Variants in TCTN3 observed in about 807,000 individuals in gnomAD.
TCTN3 encodes the protein tectonic-3.
In TCTN3, 57 loss-of-function variants were observed where a neutral mutation model predicts 71.3. That is an observed-to-expected ratio of 0.80 (90% CI 0.65 to 1.00). The LOEUF is 1.00. Ranked by LOEUF, TCTN3 falls within the 50% of genes least tolerant of loss-of-function variation. The probability of loss-of-function intolerance (pLI) is 0.00; values close to 1 mark genes in which losing one functional copy is unlikely to be tolerated. For missense variants in TCTN3, 696 were observed against 719.9 expected (o/e 0.97, Z 0.38); for synonymous variants, 258 against 267.8 (o/e 0.96, Z 0.36).
At chr10:95,676,969 G>C (rs1401644247) in intron 13 of TCTN3, among the ~76,000 whole-genome samples, 1 of 152,138 alleles carries the variant, frequency 6.6e-6, no homozygotes, top group African/African-American at 2.4e-5. Flanking sequence ...ACCTAGGTCT[G>C]TCTGACTCAA....
At position 95,693,717 on chromosome 10, in the gene TCTN3, A is replaced by AG. The variant is rs763132585; in HGVS notation, c.182dup (p.Gly62TrpfsTer18). The AG allele has an allele frequency of 8.3e-5, 129 of 1,551,584 alleles. No homozygotes were observed. The highest frequency in any genetic ancestry group is 1.1e-4 in the Non-Finnish European group (124 of 1,146,994). ...GAGTAGGGACCACTGTAGGGAGTCC[A>AG]GGCACGGCCGGGCGAGTTGCAGTCG... On this transcript the variant is annotated frameshift_variant, in exon 1 of 14. Transcript: ENST00000371217. LOFTEE classifies it high-confidence loss of function.
At position 95,682,763 on chromosome 10, in the gene TCTN3, TA is replaced by T. The variant is rs2097944336; in HGVS notation, c.1339del (p.Tyr447IlefsTer40). On this transcript the variant is annotated frameshift_variant, in exon 12 of 14. Coordinates refer to ENST00000371217, the MANE Select transcript of TCTN3 (RefSeq NM_015631.6). LOFTEE classifies it high-confidence loss of function. ...ADCSHLQQEI[Y>X]QTLHGRPRPE... ...TCTGGGCCTTCCATGAAGAGTCTGA[TA>T]AATCTCCTGCTGCAAGTGGCTGCAG... 6.2e-7 allele frequency: 1 copy of T among 1,614,160 alleles called. No individual in the cohort carries two copies. Among genetic ancestry groups the T allele is most frequent in the Non-Finnish European group, 8.5e-7 (1 of 1,180,018 alleles).
chr10:95,687,747 T>C (rs768181379), intron 3 of TCTN3, 28 bp from the exon 4 acceptor site: 1 of 1,593,280 alleles, frequency 6.3e-7, no homozygotes, highest in South Asian at 1.2e-5. Context: ...AGAAAAAGCG[T>C]TTAGATAAAA....
At position 95,683,193 on chromosome 10, in the gene TCTN3, C is replaced by A; in HGVS notation, c.1206G>T (p.Met402Ile). The A allele has an allele frequency of 1.2e-6, 2 of 1,613,100 alleles. No homozygotes were observed. Among genetic ancestry groups the A allele is most frequent in the South Asian group, 2.2e-5 (2 of 90,828 alleles). The change falls in exon 11 of 14, where the codon ATG (methionine) becomes ATT (isoleucine). Residue 402 changes from methionine to isoleucine, a missense_variant and splice_region_variant. By Grantham distance (10) the Met-to-Ile change is conservative (BLOSUM62 1). Transcript: ENST00000371217. ...CATTACCCTGGCTCTGTAAGAGGGTCATCCAAGGTGGAAAAGTGATGATCA... is the reference window on the plus strand; with the variant it reads ...CATTACCCTGGCTCTGTAAGAGGGTAATCCAAGGTGGAAAAGTGATGATCA... ...LALTDDISYSMTLLQSQGNGS... is the reference protein window; with the variant it reads ...LALTDDISYSITLLQSQGNGS...
chr10:95,685,456 A>G (rs2097947339), intron 8 of TCTN3, 100 bp downstream of exon 8: 5 of 905,156 alleles, frequency 5.5e-6, no homozygotes, highest in Non-Finnish European at 8.2e-6. Context: ...AATGCAAACA[A>G]AATTCAGTTG....
intron 13 of TCTN3, among the ~76,000 whole-genome samples, chr10:95,669,657 C>A (rs1266716390): frequency 1.3e-5 from 2 of 152,102 alleles, no homozygotes; most frequent in African/African-American, 4.8e-5. Flanking sequence ...AGAGTAAGCA[C>A]TCAATAAAGA....
intron 13 of TCTN3, 116 bp downstream of exon 13, chr10:95,680,356 T>G: frequency 9.1e-7 from 1 of 1,103,890 alleles, no homozygotes; most frequent in Non-Finnish European, 1.3e-6. Context: ...TAAACAAACA[T>G]TGGTTGCTAA....
chr10:95,672,914 A>C (rs1481511402), intron 13 of TCTN3, among the ~76,000 whole-genome samples: 1 of 151,934 alleles, frequency 6.6e-6, no homozygotes, highest in African/African-American at 2.4e-5. Context: ...GCTGGTGTCA[A>C]ACTCTTGACC....
At position 95,682,821 on chromosome 10, in the gene TCTN3, T is replaced by C; in HGVS notation, c.1299-17A>G. ...TTCTTCAACCTATAATTAAACACCA[T>C]GGAGGCTGCAGTCCAATGCTAACAT... On this transcript the variant is annotated splice_polypyrimidine_tract_variant and intron_variant, in intron 11 of 13. Coordinates refer to ENST00000371217, the MANE Select transcript of TCTN3 (RefSeq NM_015631.6). 2 of 1,611,650 alleles carry C rather than the reference T, an allele frequency of 1.2e-6. No individual in the cohort carries two copies. The highest frequency in any genetic ancestry group is 1.7e-6 in the Non-Finnish European group (2 of 1,179,046).
chr10:95,692,620 G>T (rs1203094170), intron 3 of TCTN3, among the ~76,000 whole-genome samples: 1 of 151,934 alleles, frequency 6.6e-6, no homozygotes, highest in Non-Finnish European at 1.5e-5. Flanking sequence ...TGGAAAAAAG[G>T]CCAGAATAAA....
intron 2 of TCTN3, 31 bp downstream of exon 2, chr10:95,693,322 T>G: frequency 6.4e-7 from 1 of 1,551,474 alleles, no homozygotes; most frequent in East Asian, 2.4e-5. Context: ...CCCAAACCCC[T>G]TTAGGATTCA....
At chr10:95,672,414 A>G (rs2139709541) in intron 13 of TCTN3, among the ~76,000 whole-genome samples, 1 of 152,216 alleles carries the variant, frequency 6.6e-6, no homozygotes, top group South Asian at 2.1e-4. Flanking sequence ...CTCTTGGGTA[A>G]ACACCTAGGA....
intron 13 of TCTN3, among the ~76,000 whole-genome samples, chr10:95,669,666 G>T (rs953096312): frequency 1.3e-5 from 2 of 152,058 alleles, no homozygotes; most frequent in East Asian, 3.8e-4. Context: ...ACTCAATAAA[G>T]ATTTTTTTTT....
In TCTN3 at chr10:95,693,580, A is replaced by G. The variant is rs1055131821; in HGVS notation, c.256+64T>C. 11 of 1,546,188 alleles carry G rather than the reference A, an allele frequency of 7.1e-6. No homozygotes were observed. The African/African-American group carries it at 1.1e-4, about 15-fold the overall frequency. ...CCCCACTCCTGCTTTGTGGCAGCTC[A>G]ACTTTGCTCACAGAATTTTAGATCT... On this transcript the variant is annotated intron_variant, in intron 1 of 13. Transcript: ENST00000371217.
intron 13 of TCTN3, among the ~76,000 whole-genome samples, chr10:95,675,683 T>C (rs2097936340): frequency 6.6e-6 from 1 of 152,200 alleles, no homozygotes; most frequent in Admixed American, 6.5e-5. Flanking sequence ...CTGTCCCTTA[T>C]TGAAAGAGAA....
intron 3 of TCTN3, among the ~76,000 whole-genome samples, chr10:95,689,677 GC>G (rs777328161): frequency 6.6e-6 from 1 of 152,116 alleles, no homozygotes; most frequent in South Asian, 2.1e-4. Flanking sequence ...GTAAACATAG[GC>G]TAAGTAGAAT....
rs757750439 is a variant in TCTN3, at chr10:95,664,229, C to G, written c.1662G>C (p.Gln554His). Residue 554 changes from glutamine to histidine, a missense_variant, in exon 14 of 14, where the codon CAG (glutamine) becomes CAC (histidine). Coordinates refer to ENST00000371217, the MANE Select transcript of TCTN3 (RefSeq NM_015631.6). ...CCATTTTGGGTTGGCCCCTTGGAGGCTGTGGCTTCTGGGTAATGTCCACAA... is the reference window on the plus strand; with the variant it reads ...CCATTTTGGGTTGGCCCCTTGGAGGGTGTGGCTTCTGGGTAATGTCCACAA... ...VNFVDITQKPQPPRGQPKMDW... is the reference protein window; with the variant it reads ...VNFVDITQKPHPPRGQPKMDW... The G allele has an allele frequency of 1.2e-6, 2 of 1,614,178 alleles. No homozygotes were observed. The highest frequency in any genetic ancestry group is 1.7e-6 in the Non-Finnish European group (2 of 1,180,038).
chr10:95,692,736 A>G lies in TCTN3; in HGVS notation c.499+184T>C, dbSNP rs1437644960. ...ATGCAGCCCAACAACACAAATTTGT[A>G]AACTTTCTTAAAACATTTGACATTT... On this transcript the variant is annotated intron_variant, in intron 3 of 13. Coordinates refer to ENST00000371217, the MANE Select transcript of TCTN3 (RefSeq NM_015631.6). 9 of 570,830 alleles carry G rather than the reference A, an allele frequency of 1.6e-5. No homozygotes were observed. The Admixed American group carries it at 2.1e-4, about 13-fold the overall frequency. The allele number at this position is 570,830 out of a possible 1,614,324, so 35.4% of individuals were successfully genotyped here. A position where few individuals can be genotyped will look rare whatever the true frequency, so the allele number is the denominator to read the frequency against.
At position 95,677,578 on chromosome 10, in the gene TCTN3, G is replaced by A. The variant is rs1455120109; in HGVS notation, c.1590+2894C>T. ...TTTGCTACTTCACTTTTTATAGAAA[G>A]AGGAATTTAAAGTGTTTCTATAGCT... On this transcript the variant is annotated intron_variant, in intron 13 of 13. Coordinates refer to ENST00000371217, the MANE Select transcript of TCTN3 (RefSeq NM_015631.6). Among the ~76,000 whole-genome samples the A allele has an allele frequency of 6.1e-5, 9 of 148,602 alleles. No individual in the cohort carries two copies. The East Asian group carries it at 1.8e-3, about 30-fold the overall frequency.
Sources: allele counts gnomAD v4.1 joint callset (sites outside exome capture counted in the v4.1 genomes callset), GRCh38; gene constraint gnomAD v4.1.1; transcripts MANE v1.5; gene names NCBI Gene and HGNC (gene_info 2026-07-23, HGNC 2026-07-21).